Variants in MORC3 observed in about 807,000 individuals in gnomAD.
The protein encoded by MORC3 is MORC family CW-type zinc finger protein 3.
Under a neutral mutation model 109.1 loss-of-function variants are expected in MORC3, and 31 were observed. The observed-to-expected ratio is 0.28, with a 90% CI of 0.21 to 0.38. MORC3 has a LOEUF of 0.38. MORC3 is among the 10% of genes least tolerant of loss of function. The pLI is 1.00. For missense variants in MORC3, 867 were observed against 1,135.8 expected (o/e 0.76, Z 3.40); for synonymous variants, 395 against 380.7 (o/e 1.04, Z -0.44).
chr21:36,345,365 C>T (rs990233954), intron 8 of MORC3, among the ~76,000 whole-genome samples: 1 of 152,118 alleles, frequency 6.6e-6, no homozygotes, highest in Non-Finnish European at 1.5e-5. Flanking sequence ...ATTCTGCTGC[C>T]TCAGCCTCCC....
intron 5 of MORC3, chr21:36,339,546 G>C (rs1286876252): frequency 7.2e-6 from 1 of 138,004 alleles, no homozygotes; most frequent in African/African-American, 2.7e-5. Flanking sequence ...GCAATGAGAA[G>C]ACAAATTCAG....
Position 36,349,318 on chromosome 21 carries a change from A to T in MORC3, c.1013A>T (p.Asn338Ile). Residue 338 changes from asparagine (N) to isoleucine (I), a missense_variant, in exon 9 of 17, where the codon AAC becomes ATC. This residue lies in a region of MORC3 where 120 missense variants were observed against 259.7 expected (regional missense o/e 0.46). Coordinates refer to ENST00000400485, the MANE Select transcript of MORC3 (RefSeq NM_015358.3). ...EKVGCQLRAN[N>I]MGVGVVGIIE... ...TTCATTTTATTTTTTCAGGCAAACA[A>T]CATGGGTGTTGGAGTGGTTGGAATT... 2 of 1,604,078 alleles carry T rather than the reference A, an allele frequency of 1.2e-6. No individual in the cohort carries two copies. The highest frequency in any genetic ancestry group is 8.5e-7 in the Non-Finnish European group (1 of 1,177,284).
chr21:36,362,430 C>T (rs189327300), intron 13 of MORC3, among the ~76,000 whole-genome samples: 59 of 151,986 alleles, frequency 3.9e-4, no homozygotes, highest in Non-Finnish European at 6.8e-4. Context: ...GTAATCCCAG[C>T]TACTCGGGAG....
intron 9 of MORC3, among the ~76,000 whole-genome samples, chr21:36,356,136 ATAAT>A (rs2085642769): frequency 1.3e-5 from 2 of 152,196 alleles, no homozygotes; most frequent in South Asian, 2.1e-4. Context: ...TTGTATGTAT[ATAAT>A]TAATCTTATG....
At chr21:36,336,147 T>G (rs571270732) in intron 2 of MORC3, among the ~76,000 whole-genome samples, 227 of 151,440 alleles carry the variant, frequency 1.5e-3, no homozygotes, top group Non-Finnish European at 2.7e-3. Flanking sequence ...GCCAGGCTGG[T>G]CTCAAACTCC....
At chr21:36,364,057 T>C (rs1254517255) in intron 13 of MORC3, 36 bp from the exon 14 acceptor site, 2 of 1,592,440 alleles carry the variant, frequency 1.3e-6, no homozygotes, top group East Asian at 2.2e-5. Context: ...ACACTAGAAA[T>C]AGTTCCTTTA....
At chr21:36,333,366 G>A in intron 1 of MORC3, 1 of 400,994 alleles carries the variant, frequency 2.5e-6, no homozygotes, top group Non-Finnish European at 4.4e-6. Context: ...GTCTTGGCAA[G>A]GTATGTCCCT....
intron 9 of MORC3, 66 bp downstream of exon 9, chr21:36,349,474 T>C (rs1177598508): frequency 1.9e-6 from 2 of 1,039,096 alleles, no homozygotes; most frequent in African/African-American, 1.7e-5. Context: ...AAGCAGGAAC[T>C]ACTCTATTTT....
chr21:36,343,548 A>C (rs1336150646), intron 6 of MORC3, among the ~76,000 whole-genome samples: 2 of 150,670 alleles, frequency 1.3e-5, no homozygotes, highest in Non-Finnish European at 2.9e-5. Context: ...TCCTGGGTTC[A>C]AGCGATTCTT....
intron 13 of MORC3, 87 bp from the exon 14 acceptor site, chr21:36,364,006 A>T: frequency 7.2e-7 from 1 of 1,380,098 alleles, no homozygotes; most frequent in Non-Finnish European, 9.9e-7. Context: ...TTCTGGGATA[A>T]GGGGGAAGAG....
At chr21:36,321,492 T>C (rs1713290232) in intron 1 of MORC3, among the ~76,000 whole-genome samples, 2 of 152,184 alleles carry the variant, frequency 1.3e-5, no homozygotes, top group South Asian at 2.1e-4. Context: ...AACTAGCTTA[T>C]TGAGTGAGCT....
chr21:36,326,741 G>T (rs1288473361), intron 1 of MORC3, among the ~76,000 whole-genome samples: 4 of 151,426 alleles, frequency 2.6e-5, no homozygotes, highest in Non-Finnish European at 5.9e-5. Flanking sequence ...CCATGTTGTA[G>T]TGTGCGTTAG....
chr21:36,337,415 C>T (rs1037353893), intron 3 of MORC3, among the ~76,000 whole-genome samples: 2 of 152,088 alleles, frequency 1.3e-5, no homozygotes, highest in South Asian at 2.1e-4. Context: ...CAGGGTGTGC[C>T]AGCGATGAGT....
intron 1 of MORC3, among the ~76,000 whole-genome samples, chr21:36,328,488 G>T (rs573601102): frequency 4.0e-5 from 6 of 151,850 alleles, no homozygotes; most frequent in Admixed American, 3.9e-4. Flanking sequence ...ACACAGGCGC[G>T]CACCACCACG....
At chr21:36,339,739 T>C (rs920116165) in intron 5 of MORC3, among the ~76,000 whole-genome samples, 6 of 152,182 alleles carry the variant, frequency 3.9e-5, no homozygotes, top group African/African-American at 1.4e-4. Flanking sequence ...TACTGAAAGA[T>C]CTAAGACATA....
intron 16 of MORC3, 41 bp downstream of exon 16, chr21:36,372,572 G>A (rs1189690816): frequency 3.3e-6 from 5 of 1,522,142 alleles, no homozygotes; most frequent in Admixed American, 2.4e-5. Context: ...TGCAATTATG[G>A]TTAGGATACT....
At chr21:36,353,355 C>CAAAAAAAA (rs35837458) in intron 9 of MORC3, among the ~76,000 whole-genome samples, 1 of 55,656 alleles carries the variant, frequency 1.8e-5, no homozygotes, top group Non-Finnish European at 3.2e-5. Context: ...GACTCTGTCT[C>CAAAAAAAA]AAAAAAAAAA....
intron 6 of MORC3, among the ~76,000 whole-genome samples, chr21:36,341,805 C>T (rs902111865): frequency 2.0e-5 from 3 of 152,120 alleles, no homozygotes; most frequent in African/African-American, 4.8e-5. Flanking sequence ...ATTATGAAGT[C>T]GTCAGGCCTA....
chr21:36,370,630 TATATATA>T (rs1359695057), intron 15 of MORC3, among the ~76,000 whole-genome samples: 18 of 19,566 alleles, frequency 9.2e-4, no homozygotes, highest in African/African-American at 3.6e-3. Context: ...TATATATATA[TATATATA>T]TATTTTTTTT....
Sources: allele counts gnomAD v4.1 joint callset (sites outside exome capture counted in the v4.1 genomes callset), GRCh38; gene constraint gnomAD v4.1.1; regional missense constraint gnomAD v4.1.1; transcripts MANE v1.5; gene names NCBI Gene and HGNC (gene_info 2026-07-23, HGNC 2026-07-21).